Variants in CDH13 observed in about 807,000 individuals in gnomAD.
CDH13 encodes the protein cadherin-13.
Under a neutral mutation model 63.8 loss-of-function variants are expected in CDH13, and 24 were observed. The observed-to-expected ratio is 0.38, with a 90% CI of 0.27 to 0.53. The LOEUF is 0.53. Ranked by LOEUF, CDH13 falls within the 20% of genes least tolerant of loss-of-function variation. CDH13 has a pLI of 0.85. For synonymous variants in CDH13, 503 were observed against 355.3 expected, an observed-to-expected ratio of 1.42 and a Z score of -4.67; for missense variants, 1,049 against 903.1, an observed-to-expected ratio of 1.16 and a Z score of -2.07.
At chr16:83,308,097 G>T (rs961206810) in intron 5 of CDH13, among the ~76,000 whole-genome samples, 10 of 152,082 alleles carry the variant, frequency 6.6e-5, no homozygotes, top group Non-Finnish European at 1.5e-4. Context: ...TAAATATGTT[G>T]TGCGGGAATC....
At chr16:83,426,907 CTTTTTTTT>C (rs71148833) in intron 6 of CDH13, among the ~76,000 whole-genome samples, 3,343 of 62,622 alleles carry the variant, frequency 0.053, 5 homozygotes, top group African/African-American at 0.063. Context: ...ATGTTTCTTT[CTTTTTTTT>C]TTTTTTTTTT....
chr16:82,629,007 C>T (rs1045846295), intron 1 of CDH13, among the ~76,000 whole-genome samples: 4 of 152,252 alleles, frequency 2.6e-5, no homozygotes, highest in Admixed American at 2.0e-4. Context: ...TGTCTGAGAG[C>T]ACTTACCATT....
intron 6 of CDH13, among the ~76,000 whole-genome samples, chr16:83,450,154 C>T (rs571331685): frequency 7.2e-5 from 11 of 152,278 alleles, no homozygotes; most frequent in East Asian, 1.9e-4. Context: ...CTTTGCCAGA[C>T]GGTGGAGAAA....
At chr16:83,604,746 T>C (rs776144351) in intron 8 of CDH13, among the ~76,000 whole-genome samples, 2 of 152,206 alleles carry the variant, frequency 1.3e-5, no homozygotes, top group Non-Finnish European at 2.9e-5. Flanking sequence ...ATATTCAATA[T>C]AAACTTAACG....
At chr16:82,913,993 G>C (rs2041912271) in intron 2 of CDH13, among the ~76,000 whole-genome samples, 1 of 152,120 alleles carries the variant, frequency 6.6e-6, no homozygotes, top group Non-Finnish European at 1.5e-5. Context: ...TTAAAATCTG[G>C]CAGAAGAGAA....
intron 5 of CDH13, among the ~76,000 whole-genome samples, chr16:83,224,834 C>T (rs1204179204): frequency 6.6e-6 from 1 of 152,192 alleles, no homozygotes; most frequent in Non-Finnish European, 1.5e-5. Flanking sequence ...TCACTCAGCC[C>T]AGTCACTTAG....
chr16:83,281,524 A>G (rs187845177), intron 5 of CDH13, among the ~76,000 whole-genome samples: 2 of 152,300 alleles, frequency 1.3e-5, no homozygotes, highest in African/African-American at 2.4e-5. Flanking sequence ...GTTTCCTTCA[A>G]GAACTTTTCC....
intron 1 of CDH13, among the ~76,000 whole-genome samples, chr16:82,695,832 AT>A (rs2030218044): frequency 6.6e-6 from 1 of 152,190 alleles, no homozygotes; most frequent in African/African-American, 2.4e-5. Context: ...AGCACATTTA[AT>A]TTTTAACAGA....
intron 5 of CDH13, among the ~76,000 whole-genome samples, chr16:83,263,903 G>C (rs1907282984): frequency 6.6e-6 from 1 of 152,082 alleles, no homozygotes; most frequent in Admixed American, 6.6e-5. Flanking sequence ...AATAATGATA[G>C]CAGAAACACC....
At chr16:83,702,097 AATC>A (rs1266714371) in intron 10 of CDH13, among the ~76,000 whole-genome samples, 1 of 152,330 alleles carries the variant, frequency 6.6e-6, no homozygotes, top group East Asian at 1.9e-4. Context: ...ATCTGTCAAG[AATC>A]ATCCCAAATA....
intron 2 of CDH13, among the ~76,000 whole-genome samples, chr16:82,866,452 G>C (rs796343300): frequency 8.3e-6 from 1 of 120,836 alleles, no homozygotes; most frequent in Non-Finnish European, 1.6e-5. Context: ...GCAGTGGCAC[G>C]ATCTCAGCTC....
intron 2 of CDH13, among the ~76,000 whole-genome samples, chr16:82,905,832 A>G (rs2041627337): frequency 6.6e-6 from 1 of 152,190 alleles, no homozygotes; most frequent in Non-Finnish European, 1.5e-5. Flanking sequence ...GATTAGGACG[A>G]GCCACATTTC....
At chr16:83,160,067 C>G (rs1797298600) in intron 4 of CDH13, among the ~76,000 whole-genome samples, 1 of 151,934 alleles carries the variant, frequency 6.6e-6, no homozygotes, top group African/African-American at 2.4e-5. Context: ...CAGAGCAAGA[C>G]TCTGTCTCAA....
chr16:82,989,567 C>T (rs539151555), intron 2 of CDH13, among the ~76,000 whole-genome samples: 1 of 152,324 alleles, frequency 6.6e-6, no homozygotes, highest in African/African-American at 2.4e-5. Context: ...CTCTCTGGCA[C>T]CTTCTCTAGG....
At chr16:83,097,327 C>G (rs1234505187) in intron 3 of CDH13, among the ~76,000 whole-genome samples, 2 of 152,142 alleles carry the variant, frequency 1.3e-5, no homozygotes, top group Admixed American at 6.5e-5. Context: ...AACTTTTGTT[C>G]TTTGTATTCC....
At chr16:83,117,714 C>G (rs570832778) in intron 3 of CDH13, among the ~76,000 whole-genome samples, 1 of 152,274 alleles carries the variant, frequency 6.6e-6, no homozygotes, top group South Asian at 2.1e-4. Flanking sequence ...TATTCTCTCG[C>G]TCCTTCTCAC....
At chr16:83,158,922 A>G (rs2037331530) in intron 4 of CDH13, among the ~76,000 whole-genome samples, 1 of 152,180 alleles carries the variant, frequency 6.6e-6, no homozygotes, top group Admixed American at 6.6e-5. Context: ...CACTTCCTAA[A>G]TAACACTGTT....
At chr16:82,964,683 T>G (rs997666641) in intron 2 of CDH13, among the ~76,000 whole-genome samples, 2 of 152,236 alleles carry the variant, frequency 1.3e-5, no homozygotes, top group African/African-American at 2.4e-5. Flanking sequence ...CAGTGGTTAA[T>G]AGAGGTCAGG....
chr16:82,666,879 A>T (rs1228943475), intron 1 of CDH13, among the ~76,000 whole-genome samples: 2 of 152,160 alleles, frequency 1.3e-5, no homozygotes, highest in Non-Finnish European at 2.9e-5. Context: ...GAAGAATCAG[A>T]ACCACCTTGT....
Sources: allele counts gnomAD v4.1 joint callset (sites outside exome capture counted in the v4.1 genomes callset), GRCh38; gene constraint gnomAD v4.1.1; transcripts MANE v1.5; gene names NCBI Gene and HGNC (gene_info 2026-07-23, HGNC 2026-07-21).